Variants in EPSTI1 observed in about 807,000 individuals in gnomAD.
EPSTI1 encodes epithelial-stromal interaction protein 1.
In EPSTI1, 66 loss-of-function variants were observed where a neutral mutation model predicts 49.9. That is an observed-to-expected ratio of 1.32 (90% confidence interval 1.08 to 1.62). The LOEUF (loss-of-function observed/expected upper bound fraction) is 1.62. Among genes scored for constraint, EPSTI1 ranks in the 40% most tolerant of loss-of-function variants. The pLI, the probability that EPSTI1 is intolerant of heterozygous loss-of-function variation, is 0.00. For missense variants in EPSTI1, 394 were observed against 365.5 expected (o/e 1.08, Z -0.64); for synonymous variants, 137 against 130.7 (o/e 1.05, Z -0.33).
At chr13:42,976,012 A>G (rs1241987580) in intron 1 of EPSTI1, among the ~76,000 whole-genome samples, 1 of 152,254 alleles carries the variant, frequency 6.6e-6, no homozygotes, top group Non-Finnish European at 1.5e-5. Flanking sequence ...TCAGAAATTC[A>G]TATTTTCAGA....
chr13:42,949,834 T>C (rs1385087335), intron 6 of EPSTI1, among the ~76,000 whole-genome samples: 3 of 151,896 alleles, frequency 2.0e-5, no homozygotes, highest in South Asian at 4.1e-4. Flanking sequence ...AAAAACACAA[T>C]TGGAAAGATG....
rs781645842 is a variant in EPSTI1 at position 42,900,337 on chromosome 13, G to A, written c.788C>T (p.Ala263Val). Residue 263 changes from alanine to valine, a missense_variant, in exon 9 of 11, where the codon GCC becomes GTC. Ala to Val is a moderately conservative substitution (Grantham distance 64). Coordinates refer to ENST00000313624, the MANE Select transcript of EPSTI1 (RefSeq NM_033255.5). ...LKRQQQEQER[A>V]KIHQTEHRRV... ...CCTGTGTTCAGTCTGGTGGATTTTG[G>A]CTCTTTCTTGCTCTTGCTGCTGCCG... 88 of 1,613,410 alleles carry A rather than the reference G, an allele frequency of 5.5e-5. No individual in the cohort carries two copies. Among genetic ancestry groups the A allele is most frequent in the Admixed American group, 2.3e-4 (14 of 59,946 alleles).
intron 6 of EPSTI1, among the ~76,000 whole-genome samples, chr13:42,930,442 A>G (rs888729221): frequency 2.0e-5 from 3 of 152,236 alleles, no homozygotes; most frequent in Non-Finnish European, 2.9e-5. Context: ...TGACATTCAC[A>G]CACCTATAAG....
At chr13:42,958,621 G>A (rs556929429) in intron 5 of EPSTI1, among the ~76,000 whole-genome samples, 2 of 152,276 alleles carry the variant, frequency 1.3e-5, no homozygotes, top group South Asian at 2.1e-4. Flanking sequence ...GGGGGTAGGT[G>A]CAGCAAAGGG....
At chr13:42,897,223 AG>A (rs1399962829) in intron 9 of EPSTI1, among the ~76,000 whole-genome samples, 1 of 151,836 alleles carries the variant, frequency 6.6e-6, no homozygotes, top group East Asian at 1.9e-4. Flanking sequence ...ATCTGCCCCT[AG>A]TCTCTATGTG....
In EPSTI1 at chr13:42,922,987, G is replaced by C. The variant is rs187408429; in HGVS notation, c.657+3349C>G. On this transcript the variant is annotated intron_variant, in intron 7 of 10. Transcript: ENST00000313624. The surrounding 1 kb of genome is among the most constrained non-coding windows in gnomAD (Gnocchi z 4.8). ...CAAAAGCTTTGCTTCCCCTTACCTT[G>C]CTTGCAAAAGCTTTGCTTCCCCTCA... Among the ~76,000 whole-genome samples the C allele has an allele frequency of 6.6e-6, 1 of 152,148 alleles. No individual in the cohort carries two copies. The highest frequency in any genetic ancestry group is 1.9e-4 in the East Asian group (1 of 5,168).
Position 42,970,871 on chromosome 13 carries a change from C to A in EPSTI1, c.189-201G>T, listed in dbSNP as rs958451902. Among the ~76,000 whole-genome samples, 13 of 152,144 alleles carry A rather than the reference C, an allele frequency of 8.5e-5. 1 individual carries two copies. The highest frequency in any genetic ancestry group is 3.1e-4 in the African/African-American group (13 of 41,438). ...TGTCAAAGTAAAACAAAGGACATGGCCAAATATGAAAATATAAAGCATTCG... is the reference window on the plus strand; with the variant it reads ...TGTCAAAGTAAAACAAAGGACATGGACAAATATGAAAATATAAAGCATTCG... On this transcript the variant is annotated intron_variant, in intron 1 of 10. Coordinates refer to ENST00000313624, the MANE Select transcript of EPSTI1 (RefSeq NM_033255.5).
chr13:42,938,861 G>A (rs1045057789), intron 6 of EPSTI1, among the ~76,000 whole-genome samples: 3 of 135,764 alleles, frequency 2.2e-5, no homozygotes, highest in Non-Finnish European at 3.0e-5. Flanking sequence ...GTTGCAGTGA[G>A]CTGAGATTGC....
At chr13:42,951,662 G>A (rs951708487) in intron 6 of EPSTI1, among the ~76,000 whole-genome samples, 1 of 152,186 alleles carries the variant, frequency 6.6e-6, no homozygotes, top group African/African-American at 2.4e-5. Flanking sequence ...GAGGTTGGAC[G>A]CACAGCTTCT....
intron 6 of EPSTI1, among the ~76,000 whole-genome samples, chr13:42,943,259 A>C (rs1307422398): frequency 6.6e-6 from 1 of 152,228 alleles, no homozygotes; most frequent in Non-Finnish European, 1.5e-5. Flanking sequence ...TCTGGGCCCC[A>C]GGGCCTTCTT....
chr13:42,904,149 C>T (rs913640557), intron 8 of EPSTI1, among the ~76,000 whole-genome samples: 1 of 152,122 alleles, frequency 6.6e-6, no homozygotes, highest in Non-Finnish European at 1.5e-5. Context: ...ACAATAATCC[C>T]AGGCAGAGGA....
At chr13:42,956,949 G>A (rs74057857) in intron 5 of EPSTI1, among the ~76,000 whole-genome samples, 5,832 of 152,174 alleles carry the variant, frequency 0.038, 277 homozygotes, top group African/African-American at 0.11. Context: ...ATATTAAGCA[G>A]GAAAGGAAGT....
rs2153411556 is a variant in EPSTI1, at chr13:42,900,303, G to A, written c.815+7C>T. On this transcript the variant is annotated splice_region_variant and intron_variant, in intron 9 of 10. Coordinates refer to ENST00000313624, the MANE Select transcript of EPSTI1 (RefSeq NM_033255.5). Reference sequence around the variant, plus strand: ...CCAAGGATGCTTATTTTATTAGCCAGTTTTACCTCCTGTGTTCAGTCTGGT... The same window carrying A: ...CCAAGGATGCTTATTTTATTAGCCAATTTTACCTCCTGTGTTCAGTCTGGT... The A allele has an allele frequency of 1.2e-6, 2 of 1,613,022 alleles. No homozygotes were observed. Among genetic ancestry groups the A allele is most frequent in the Non-Finnish European group, 1.7e-6 (2 of 1,179,258 alleles).
chr13:42,910,984 A>G (rs1285621685), intron 8 of EPSTI1, among the ~76,000 whole-genome samples: 1 of 152,244 alleles, frequency 6.6e-6, no homozygotes, highest in East Asian at 1.9e-4. Flanking sequence ...GATAGTAAAG[A>G]TTAAAATTTA....
intron 7 of EPSTI1, among the ~76,000 whole-genome samples, chr13:42,925,595 A>G (rs2038146455): frequency 6.6e-6 from 1 of 152,222 alleles, no homozygotes; most frequent in South Asian, 2.1e-4. Context: ...CCATTGGGAA[A>G]GGGTCCTCAC....
intron 6 of EPSTI1, among the ~76,000 whole-genome samples, chr13:42,941,560 C>A (rs2038749366): frequency 6.7e-6 from 1 of 149,038 alleles, no homozygotes; most frequent in African/African-American, 2.5e-5. Flanking sequence ...GTCAAGGCTA[C>A]AGCAAACCAT....
intron 6 of EPSTI1, among the ~76,000 whole-genome samples, chr13:42,949,677 A>C (rs2039037627): frequency 6.6e-6 from 1 of 152,086 alleles, no homozygotes; most frequent in African/African-American, 2.4e-5. Context: ...TAAATTGTTA[A>C]TGTTTAAAAT....
chr13:42,894,396 A>G (rs1055241293), intron 10 of EPSTI1, among the ~76,000 whole-genome samples: 4 of 152,224 alleles, frequency 2.6e-5, no homozygotes, highest in Non-Finnish European at 5.9e-5. Context: ...TTTTGTACAC[A>G]TTGCAAACCT....
rs1398880739 is a variant in EPSTI1, at chr13:42,922,610, A to G, written c.657+3726T>C. 6.6e-6 allele frequency among the ~76,000 whole-genome samples: 1 copy of G among 152,180 alleles called. No individual in the cohort carries two copies. Among genetic ancestry groups the G allele is most frequent in the Non-Finnish European group, 1.5e-5 (1 of 68,026 alleles). ...TGTTAAGAGAATAAATTTTTGTTCT[A>G]TTAGGTCACTACATTCGTGGTAATT... On this transcript the variant is annotated intron_variant, in intron 7 of 10. Coordinates refer to ENST00000313624, the MANE Select transcript of EPSTI1 (RefSeq NM_033255.5). The surrounding 1 kb of genome is among the most constrained non-coding windows in gnomAD (Gnocchi z 4.8).
Sources: gnomAD v4.1 joint callset for allele counts (sites outside exome capture counted in the v4.1 genomes callset) on GRCh38, gnomAD v4.1.1 for gene constraint, Gnocchi (gnomAD v3.1) non-coding constraint, MANE v1.5 for transcripts, NCBI Gene and HGNC (gene_info 2026-07-23, HGNC 2026-07-21) for gene names.